The following C13orf42 variants were observed in gnomAD, a reference collection of about 807,000 sequenced individuals.
C13orf42 encodes uncharacterized protein C13orf42.
intron 1 of C13orf42, among the ~76,000 whole-genome samples, chr13:51,141,944 C>T (rs1953699349): frequency 6.6e-6 from 1 of 152,114 alleles, no homozygotes; most frequent in Admixed American, 6.5e-5. Flanking sequence ...TTAAGAATTG[C>T]CAGCATACAT....
chr13:51,087,887 G>T, intron 2 of C13orf42, 41 bp downstream of exon 2: 1 of 398,668 alleles, frequency 2.5e-6, no homozygotes, highest in South Asian at 1.3e-4. Flanking sequence ...AGCCCCACCC[G>T]CCTTCAGCCA....
At chr13:51,102,777 A>G (rs1175746653) in intron 1 of C13orf42, among the ~76,000 whole-genome samples, 1 of 152,208 alleles carries the variant, frequency 6.6e-6, no homozygotes, top group African/African-American at 2.4e-5. Context: ...GAAAGAGATT[A>G]ATTGACTCAC....
chr13:51,100,789 T>C (rs1158236713), intron 1 of C13orf42, among the ~76,000 whole-genome samples: 1 of 152,138 alleles, frequency 6.6e-6, no homozygotes, highest in Non-Finnish European at 1.5e-5. Context: ...ATAATGACCT[T>C]TGGCCTTCAA....
rs956124629 is a variant in C13orf42, at chr13:51,110,970, C to T, written c.240G>A (p.Ser80=). 10 of 398,546 alleles carry T rather than the reference C, an allele frequency of 2.5e-5. No homozygotes were observed. Among genetic ancestry groups the T allele is most frequent in the African/African-American group, 6.2e-5 (3 of 48,620 alleles). 24.7% of individuals were successfully genotyped at this position (398,546 alleles called of 1,614,324 possible). A position where few individuals can be genotyped will look rare whatever the true frequency, so the allele number is the denominator to read the frequency against. The change falls in exon 1 of 4, where the codon TCG becomes TCA. Residue 80 remains serine, a synonymous_variant. Transcript: ENST00000563710. ...GGTACTGCAGGCAGTCCTGGGTGCG[C>T]GAATACATCCACGCCCGGTCCTCCT... ...RQEEDRAWMY[S]RTQDCLQYLQ... is the part of the protein sequence containing the mutation.
chr13:51,143,995 G>C (rs1340428873), intron 1 of C13orf42, among the ~76,000 whole-genome samples: 7 of 152,112 alleles, frequency 4.6e-5, no homozygotes. Flanking sequence ...TATTAAAATT[G>C]TGTGCCATGG....
intron 1 of C13orf42, among the ~76,000 whole-genome samples, chr13:51,123,359 G>T (rs967732309): frequency 1.3e-5 from 2 of 152,226 alleles, no homozygotes; most frequent in Non-Finnish European, 2.9e-5. Flanking sequence ...TCAACAGATT[G>T]ATCATGGCAG....
chr13:51,129,762 T>C (rs1044471666), intron 1 of C13orf42, among the ~76,000 whole-genome samples: 3 of 152,216 alleles, frequency 2.0e-5, no homozygotes. Context: ...TGTGTCTTTC[T>C]GTATTGTTCT....
rs1953092736 is a variant in C13orf42 at position 51,083,990 on chromosome 13, AG to A, written c.*160del. The A allele has an allele frequency of 2.6e-6, 1 of 391,950 alleles. No homozygotes were observed. The highest frequency in any genetic ancestry group is 2.1e-5 in the African/African-American group (1 of 48,504). The allele number at this position is 391,950 out of a possible 1,614,324, so 24.3% of individuals were successfully genotyped here. On this transcript the variant is annotated 3_prime_UTR_variant, in exon 4 of 4. Coordinates refer to ENST00000563710, the MANE Select transcript of C13orf42 (RefSeq NM_001351589.3). The stretch of plus-strand genomic sequence containing the variant: ...TGAGACCTGTCCCCTGGGAAGCCAC[AG>A]GTCTGTTTGGCACTGGCACGGCACC...
upstream of C13orf42, among the ~76,000 whole-genome samples, chr13:51,115,761 A>G (rs2138009302): frequency 6.6e-6 from 1 of 152,360 alleles, no homozygotes; most frequent in East Asian, 1.9e-4. Flanking sequence ...AATGAAGGGT[A>G]AGATTACAAA....
chr13:51,119,633 G>A (rs542121889), intron 1 of C13orf42, among the ~76,000 whole-genome samples: 8 of 152,296 alleles, frequency 5.3e-5, no homozygotes, highest in Middle Eastern at 3.4e-3. Context: ...GACATGATGC[G>A]ACGTGAAATA....
At chr13:51,124,891 T>G (rs1347163254) in intron 1 of C13orf42, among the ~76,000 whole-genome samples, 1 of 152,216 alleles carries the variant, frequency 6.6e-6, no homozygotes, top group African/African-American at 2.4e-5. Context: ...GTTGTCCCCA[T>G]AACACACAGA....
At chr13:51,119,915 A>C (rs1953520375) in intron 1 of C13orf42, among the ~76,000 whole-genome samples, 1 of 152,056 alleles carries the variant, frequency 6.6e-6, no homozygotes, top group South Asian at 2.1e-4. Flanking sequence ...AAACAAATAG[A>C]TTCCCAAGGC....
At chr13:51,116,241 G>A (rs887143236), upstream of C13orf42, among the ~76,000 whole-genome samples, 2 of 152,210 alleles carry the variant, frequency 1.3e-5, no homozygotes, top group African/African-American at 4.8e-5. Flanking sequence ...TCAGGCAGAA[G>A]GGGCACGTCT....
At chr13:51,106,457 T>A (rs1252194474) in intron 1 of C13orf42, among the ~76,000 whole-genome samples, 1 of 152,214 alleles carries the variant, frequency 6.6e-6, no homozygotes, top group African/African-American at 2.4e-5. Flanking sequence ...CCAGTCAAAG[T>A]GGATACATTG....
chr13:51,086,306 A>G (rs1442308808), intron 2 of C13orf42, among the ~76,000 whole-genome samples: 1 of 131,842 alleles, frequency 7.6e-6, no homozygotes, highest in Non-Finnish European at 1.5e-5. Flanking sequence ...ACTCCGTCTC[A>G]AAAAAAAAAA....
Position 51,165,209 on chromosome 13 carries a change from G to A in C13orf42, n.136+7044C>T, listed in dbSNP as rs534167596. Reference sequence around the variant, plus strand: ...GACCCTCCTGGCTGAGCTGCCTTATGCTGACTCTGTCCCTGTATCAAAAGC... The same window carrying A: ...GACCCTCCTGGCTGAGCTGCCTTATACTGACTCTGTCCCTGTATCAAAAGC... On this transcript the variant is annotated intron_variant and non_coding_transcript_variant, in intron 1 of 4. Transcript: ENST00000433280. 3.1e-3 allele frequency among the ~76,000 whole-genome samples: 467 copies of A among 152,280 alleles called. 5 individuals carry two copies. Among genetic ancestry groups the A allele is most frequent in the Non-Finnish European group, 4.7e-3 (319 of 68,026 alleles).
At chr13:51,141,728 G>A (rs2138030649) in intron 1 of C13orf42, among the ~76,000 whole-genome samples, 1 of 151,676 alleles carries the variant, frequency 6.6e-6, no homozygotes, top group East Asian at 1.9e-4. Context: ...AACCTGGGGG[G>A]CAGAGGTTGC....
At chr13:51,162,228 C>A (rs141607940) in intron 1 of C13orf42, 66 of 196,166 alleles carry the variant, frequency 3.4e-4, no homozygotes, top group African/African-American at 1.3e-3. Context: ...TTATCCTGTA[C>A]CACTAAGTGT....
chr13:51,092,622 A>G (rs1953191572), intron 1 of C13orf42, among the ~76,000 whole-genome samples: 1 of 152,026 alleles, frequency 6.6e-6, no homozygotes, highest in African/African-American at 2.4e-5. Context: ...TAGTTTCCAT[A>G]AAAGAAATTA....
Sources: gnomAD v4.1 joint callset for allele counts (sites outside exome capture counted in the v4.1 genomes callset) on GRCh38, gnomAD v4.1.1 for gene constraint, MANE v1.5 for transcripts, NCBI Gene and HGNC (gene_info 2026-07-23, HGNC 2026-07-21) for gene names.